Variants in LACTB2 observed in about 807,000 individuals in gnomAD.
LACTB2 encodes endoribonuclease LACTB2.
Under a neutral mutation model 34.8 loss-of-function variants are expected in LACTB2, and 32 were observed. The observed-to-expected ratio is 0.92, with a 90% CI of 0.69 to 1.24. The LOEUF (loss-of-function observed/expected upper bound fraction) is 1.24. Ranked by LOEUF, LACTB2 falls within the 50% of genes most tolerant of loss-of-function variation. The probability of loss-of-function intolerance (pLI) is 0.00; values close to 1 mark genes in which losing one functional copy is unlikely to be tolerated. For synonymous variants in LACTB2, 120 were observed against 117.5 expected, an observed-to-expected ratio of 1.02 and a Z score of -0.14; for missense variants, 320 against 345.0, an observed-to-expected ratio of 0.93 and a Z score of 0.57.
At chr8:70,653,409 A>C (rs542436445) in intron 3 of LACTB2, among the ~76,000 whole-genome samples, 6 of 152,180 alleles carry the variant, frequency 3.9e-5, no homozygotes, top group Non-Finnish European at 7.3e-5. Context: ...TTTCAACAAA[A>C]GCATTATAAG....
chr8:70,654,465 G>C (rs868041650), intron 3 of LACTB2: 6 of 152,192 alleles, frequency 3.9e-5, no homozygotes, highest in Non-Finnish European at 7.3e-5. Context: ...GGCTAAAGGG[G>C]AGAGCTGGAG....
chr8:70,638,897 G>T (rs182855825), intron 5 of LACTB2, among the ~76,000 whole-genome samples: 1 of 150,030 alleles, frequency 6.7e-6, no homozygotes, highest in East Asian at 2.0e-4. Context: ...GCACCACCAC[G>T]CCCAGCTAAT....
chr8:70,648,834 A>G (rs1818300558), intron 3 of LACTB2, among the ~76,000 whole-genome samples: 1 of 152,134 alleles, frequency 6.6e-6, no homozygotes, highest in African/African-American at 2.4e-5. Context: ...GCACCTTTGC[A>G]TGCTGAGGTA....
At chr8:70,667,420 G>C (rs1294342352) in intron 1 of LACTB2, among the ~76,000 whole-genome samples, 1 of 152,134 alleles carries the variant, frequency 6.6e-6, no homozygotes, top group East Asian at 1.9e-4. Flanking sequence ...TTATACAGTA[G>C]CATTATCTAC....
intron 4 of LACTB2, among the ~76,000 whole-genome samples, chr8:70,642,640 C>T (rs962315332): frequency 1.5e-4 from 23 of 151,762 alleles, no homozygotes; most frequent in African/African-American, 3.6e-4. Flanking sequence ...CCCACCAAGA[C>T]GCTTGGCTAA....
intron 3 of LACTB2, among the ~76,000 whole-genome samples, chr8:70,650,735 C>CAAAAA (rs61025700): frequency 8.4e-4 from 39 of 46,178 alleles, no homozygotes; most frequent in Middle Eastern, 0.038. Flanking sequence ...GACTCCATCT[C>CAAAAA]AAAAAAAAAA....
chr8:70,651,814 CAGG>C (rs1377945022), intron 3 of LACTB2: 2 of 152,172 alleles, frequency 1.3e-5, no homozygotes, highest in African/African-American at 4.8e-5. Flanking sequence ...TTCACACAGG[CAGG>C]AGGAGAAAAG....
chr8:70,657,746 A>G lies in LACTB2; in HGVS notation c.413+10T>C. The G allele has an allele frequency of 6.2e-7, 1 of 1,606,694 alleles. No individual in the cohort carries two copies. The highest frequency in any genetic ancestry group is 1.1e-5 in the South Asian group (1 of 89,946). ...TCTTCACCTTCCCTGGCTAAGGGAC[A>G]TTTACTTACCTTAGAGTGGCTCCCT... is the stretch of plus-strand genomic sequence containing the variant. On this transcript the variant is annotated intron_variant, in intron 3 of 6. Coordinates refer to ENST00000276590, the MANE Select transcript of LACTB2 (RefSeq NM_016027.3).
intron 1 of LACTB2, among the ~76,000 whole-genome samples, chr8:70,663,496 T>C (rs1353364219): frequency 2.0e-5 from 3 of 152,190 alleles, no homozygotes; most frequent in Non-Finnish European, 4.4e-5. Context: ...GGAGACCAGA[T>C]GGTTACACTG....
At chr8:70,668,959 C>T (rs1430872501) in intron 1 of LACTB2, 40 bp downstream of exon 1, 17 of 1,554,706 alleles carry the variant, frequency 1.1e-5, no homozygotes, top group East Asian at 2.4e-5. Context: ...GGCTCCGGGG[C>T]CGGCTGCGAA....
At chr8:70,660,207 G>A (rs1211312771) in intron 2 of LACTB2, 1 of 171,886 alleles carries the variant, frequency 5.8e-6, no homozygotes, top group Non-Finnish European at 1.2e-5. Context: ...TCCTGCCTCA[G>A]TCTCCTGAGT....
At chr8:70,661,373 G>A (rs542494462) in intron 2 of LACTB2, 4 of 284,304 alleles carry the variant, frequency 1.4e-5, no homozygotes, top group South Asian at 1.0e-4. Context: ...AGTTACAGAA[G>A]GACTGAGATA....
At position 70,644,142 on chromosome 8, in the gene LACTB2, G is replaced by C; in HGVS notation, c.515C>G (p.Thr172Arg). 6.2e-7 allele frequency: 1 copy of C among 1,612,652 alleles called. No homozygotes were observed. ...SGDCILGEGT[T>R]VFEDLYDYMN... ...ATAATCATAGAGGTCTTCAAATACCGTTGTTCCTTCCCCTAGGATGCAATC... is the reference window on the plus strand; with the variant it reads ...ATAATCATAGAGGTCTTCAAATACCCTTGTTCCTTCCCCTAGGATGCAATC... The change falls in exon 4 of 7, where the codon ACG becomes AGG. Residue 172 changes from threonine to arginine, a missense_variant. Transcript: ENST00000276590.
At chr8:70,639,612 T>C (rs1242374614) in intron 5 of LACTB2, among the ~76,000 whole-genome samples, 1 of 152,214 alleles carries the variant, frequency 6.6e-6, no homozygotes, top group African/African-American at 2.4e-5. Context: ...CTGTAATTTA[T>C]TTATTAGGTT....
chr8:70,668,748 G>GTTTTTTTTTTTTTTTTTTTTTT (rs990900411), intron 1 of LACTB2, among the ~76,000 whole-genome samples: 18 of 103,702 alleles, frequency 1.7e-4, no homozygotes, highest in African/African-American at 4.2e-4. Flanking sequence ...CAAAACAGAA[G>GTTTTTTTTTTTTTTTTTTTTTT]TTTTTTTTTT....
chr8:70,642,830 T>C (rs1447414312), intron 4 of LACTB2, among the ~76,000 whole-genome samples: 1 of 152,132 alleles, frequency 6.6e-6, no homozygotes, highest in African/African-American at 2.4e-5. Flanking sequence ...TGTAGAACAG[T>C]CTAGTGAGAT....
chr8:70,643,760 A>C (rs1818229203), intron 4 of LACTB2, among the ~76,000 whole-genome samples: 1 of 152,086 alleles, frequency 6.6e-6, no homozygotes, highest in South Asian at 2.1e-4. Context: ...TGATCTGCCC[A>C]CCTTGGCATC....
intron 5 of LACTB2, among the ~76,000 whole-genome samples, chr8:70,639,209 G>T (rs1458948733): frequency 6.6e-6 from 1 of 151,346 alleles, no homozygotes; most frequent in East Asian, 2.0e-4. Context: ...ACCTAGGCTG[G>T]AGTGCAATGG....
chr8:70,657,801 T>C lies in LACTB2; in HGVS notation c.368A>G (p.Tyr123Cys). The change falls in exon 3 of 7, where the codon TAT becomes TGT. Residue 123 changes from tyrosine (Y) to cysteine (C), a missense_variant. Tyr to Cys is a radical substitution (Grantham distance 194, BLOSUM62 -2). Coordinates refer to ENST00000276590, the MANE Select transcript of LACTB2 (RefSeq NM_016027.3). ...IIGNGEQQYV[Y>C]LKDGDVIKTE... ...CTTAATCACATCTCCATCTTTCAGATAAACATATTGTTGCTCTCCATTTCC... is the reference window on the plus strand; with the variant it reads ...CTTAATCACATCTCCATCTTTCAGACAAACATATTGTTGCTCTCCATTTCC... 1 of 1,613,130 alleles carries C rather than the reference T, an allele frequency of 6.2e-7. No homozygotes were observed. Among genetic ancestry groups the C allele is most frequent in the Non-Finnish European group, 8.5e-7 (1 of 1,179,220 alleles).
Sources: allele counts gnomAD v4.1 joint callset (sites outside exome capture counted in the v4.1 genomes callset), GRCh38; gene constraint gnomAD v4.1.1; transcripts MANE v1.5; gene names NCBI Gene and HGNC (gene_info 2026-07-23, HGNC 2026-07-21).